MAGI1: variants seen among roughly 807,000 people sequenced by gnomAD.
MAGI1 encodes membrane-associated guanylate kinase, WW and PDZ domain-containing protein 1.
MAGI1 carries 58 observed loss-of-function variants against 139.9 expected under a neutral mutation model. That is an observed-to-expected ratio of 0.41 (90% CI 0.34 to 0.52). The LOEUF (loss-of-function observed/expected upper bound fraction) is 0.52, where lower values mean the gene tolerates loss of function less well. Ranked by LOEUF, MAGI1 falls within the 20% of genes least tolerant of loss-of-function variation. The pLI, the probability that MAGI1 is intolerant of heterozygous loss-of-function variation, is 0.12. For missense variants in MAGI1, 1,874 were observed against 1,901.6 expected (o/e 0.99, Z 0.27); for synonymous variants, 812 against 737.9 (o/e 1.10, Z -1.63).
At chr3:65,635,622 T>C (rs1365414935) in intron 1 of MAGI1, among the ~76,000 whole-genome samples, 1 of 152,160 alleles carries the variant, frequency 6.6e-6, no homozygotes, top group Non-Finnish European at 1.5e-5. Flanking sequence ...ACCCTTGTAA[T>C]CCAGGGTTTT....
chr3:65,862,509 C>G (rs2059589483), intron 1 of MAGI1, among the ~76,000 whole-genome samples: 1 of 152,230 alleles, frequency 6.6e-6, no homozygotes, highest in Admixed American at 6.5e-5. Flanking sequence ...ATCTACCACT[C>G]TGTTCCTCTT....
At chr3:65,996,930 C>G (rs1489508213) in intron 1 of MAGI1, among the ~76,000 whole-genome samples, 1 of 152,246 alleles carries the variant, frequency 6.6e-6, no homozygotes, top group Non-Finnish European at 1.5e-5. Flanking sequence ...ACACGAATGA[C>G]GTCATCTCCA....
intron 1 of MAGI1, among the ~76,000 whole-genome samples, chr3:65,636,799 T>C (rs552328884): frequency 2.0e-5 from 3 of 152,184 alleles, no homozygotes; most frequent in South Asian, 2.1e-4. Context: ...AGAGAAGGCA[T>C]AGAATGAAGT....
chr3:65,815,399 G>T (rs566401578), intron 1 of MAGI1, among the ~76,000 whole-genome samples: 6 of 152,152 alleles, frequency 3.9e-5, no homozygotes, highest in Non-Finnish European at 7.3e-5. Context: ...AGAAAGCAGA[G>T]CAAGCAACTT....
intron 1 of MAGI1, among the ~76,000 whole-genome samples, chr3:65,811,469 C>T (rs1219870046): frequency 6.6e-6 from 1 of 152,142 alleles, no homozygotes; most frequent in African/African-American, 2.4e-5. Context: ...GACTGGGAAT[C>T]CAACCTCCAC....
chr3:65,546,529 G>A (rs2107937398), intron 2 of MAGI1, among the ~76,000 whole-genome samples: 1 of 152,136 alleles, frequency 6.6e-6, no homozygotes, highest in East Asian at 1.9e-4. Context: ...TCTATGTCAA[G>A]GTTGTATTTT....
intron 10 of MAGI1, among the ~76,000 whole-genome samples, chr3:65,433,843 G>A (rs1325478857): frequency 6.6e-6 from 1 of 151,988 alleles, no homozygotes; most frequent in Non-Finnish European, 1.5e-5. Flanking sequence ...AAATACCCTA[G>A]ACCAGTACCG....
chr3:65,653,323 ACCTT>A (rs1559756989), intron 1 of MAGI1, among the ~76,000 whole-genome samples: 1 of 152,126 alleles, frequency 6.6e-6, no homozygotes, highest in Non-Finnish European at 1.5e-5. Flanking sequence ...TCAGTCGCTT[ACCTT>A]CCACTTTGGC....
At chr3:65,924,353 A>G (rs1049895253) in intron 1 of MAGI1, among the ~76,000 whole-genome samples, 3 of 152,174 alleles carry the variant, frequency 2.0e-5, no homozygotes, top group Non-Finnish European at 4.4e-5. Context: ...CAGCAGTGGG[A>G]TTGCATCTCC....
chr3:66,026,683 C>T (rs925908257), intron 1 of MAGI1, among the ~76,000 whole-genome samples: 1 of 151,152 alleles, frequency 6.6e-6, no homozygotes, highest in South Asian at 2.1e-4. Context: ...AGAGGGCACA[C>T]GGGAGGAAAG....
intron 2 of MAGI1, among the ~76,000 whole-genome samples, chr3:65,533,680 A>G (rs1353788891): frequency 6.6e-6 from 1 of 152,210 alleles, no homozygotes; most frequent in East Asian, 1.9e-4. Flanking sequence ...GTAGAAAGCT[A>G]TATACAGAGT....
At position 65,566,149 on chromosome 3, in the gene MAGI1, G is replaced by A. The variant is rs956001419; in HGVS notation, c.430+55823C>T. Among the ~76,000 whole-genome samples, 22 of 151,876 alleles carry A rather than the reference G, an allele frequency of 1.4e-4. 1 individual carries two copies. The highest frequency in any genetic ancestry group is 5.9e-5 in the Non-Finnish European group (4 of 67,986). ...GGCACCTGTAGTCCCAGCTACTCGG[G>A]AGGCTGAGGCAGAAGAATCGCTTGA... On this transcript the variant is annotated intron_variant, in intron 2 of 22. Transcript: ENST00000402939.
At chr3:65,364,536 G>C in intron 20 of MAGI1, 129 bp downstream of exon 20, 1 of 758,696 alleles carries the variant, frequency 1.3e-6, no homozygotes, top group Non-Finnish European at 2.3e-6. Context: ...GTATACGTTT[G>C]GTAAATCACC....
intron 1 of MAGI1, among the ~76,000 whole-genome samples, chr3:65,954,212 G>C (rs2064002187): frequency 1.3e-5 from 2 of 152,046 alleles, no homozygotes; most frequent in South Asian, 4.2e-4. Context: ...CAAGATTTTG[G>C]GTAATAACAT....
intron 2 of MAGI1, among the ~76,000 whole-genome samples, chr3:65,511,775 G>A (rs1294098704): frequency 1.4e-5 from 2 of 146,922 alleles, no homozygotes; most frequent in African/African-American, 2.5e-5. Flanking sequence ...GGATACCCAG[G>A]AATTGAACTC....
chr3:65,984,892 CA>C (rs1184152087), intron 1 of MAGI1, among the ~76,000 whole-genome samples: 1 of 151,910 alleles, frequency 6.6e-6, no homozygotes, highest in African/African-American at 2.4e-5. Context: ...ACCATGGAGA[CA>C]AGGGGAAGTT....
In MAGI1 at chr3:65,813,093, A is replaced by G. The variant is rs146183649; in HGVS notation, c.314-191005T>C. On this transcript the variant is annotated intron_variant, in intron 1 of 22. Transcript: ENST00000402939. Reference sequence around the variant, plus strand: ...AGCAACATAAAAATACACAGTCACAACAGCATTCAAGGAAACGAAACCATC... The same window carrying G: ...AGCAACATAAAAATACACAGTCACAGCAGCATTCAAGGAAACGAAACCATC... Among the ~76,000 whole-genome samples, 416 of 152,262 alleles carry G rather than the reference A, an allele frequency of 2.7e-3. 1 individual carries two copies. The highest frequency in any genetic ancestry group is 9.3e-3 in the African/African-American group (388 of 41,554).
At chr3:65,507,842 AATT>A (rs2077363266) in intron 2 of MAGI1, among the ~76,000 whole-genome samples, 1 of 152,198 alleles carries the variant, frequency 6.6e-6, no homozygotes, top group African/African-American at 2.4e-5. Context: ...GAGTCATAGA[AATT>A]ATTTTTTTTC....
intron 1 of MAGI1, among the ~76,000 whole-genome samples, chr3:65,872,211 G>GCTTCAT (rs1480927284): frequency 6.6e-6 from 1 of 152,186 alleles, no homozygotes; most frequent in African/African-American, 2.4e-5. Context: ...TTTAGGCAAT[G>GCTTCAT]CTTCATATAC....
Sources: allele counts gnomAD v4.1 joint callset (sites outside exome capture counted in the v4.1 genomes callset), GRCh38; gene constraint gnomAD v4.1.1; transcripts MANE v1.5; gene names NCBI Gene and HGNC (gene_info 2026-07-23, HGNC 2026-07-21).